Variants in ZSCAN5A observed in about 807,000 individuals in gnomAD.
ZSCAN5A encodes zinc finger and SCAN domain-containing protein 5A.
Under a neutral mutation model 23.7 loss-of-function variants are expected in ZSCAN5A, and 12 were observed. The ratio of observed to expected loss-of-function variants is 0.51; its 90% CI spans 0.32 to 0.82. ZSCAN5A has a LOEUF of 0.82. Among genes scored for constraint, ZSCAN5A ranks in the 40% least tolerant of loss-of-function variants. The probability of loss-of-function intolerance (pLI) is 0.03; values close to 1 mark genes in which losing one functional copy is unlikely to be tolerated. For synonymous variants in ZSCAN5A, 257 were observed against 239.9 expected (o/e 1.07, Z -0.66); for missense variants, 597 against 617.9 (o/e 0.97, Z 0.36).
chr19:56,254,481 C>A (rs547496269), intron 2 of ZSCAN5A, among the ~76,000 whole-genome samples: 1 of 152,188 alleles, frequency 6.6e-6, no homozygotes, highest in African/African-American at 2.4e-5. Context: ...TACAGATGGA[C>A]CATATTTTGT....
At chr19:56,235,110 C>T (rs74182592) in intron 2 of ZSCAN5A, among the ~76,000 whole-genome samples, 9,682 of 90,186 alleles carry the variant, frequency 0.11, 543 homozygotes, top group East Asian at 0.35. Flanking sequence ...GTGGGCCAAG[C>T]CTCCACTCCA....
chr19:56,245,846 T>C (rs2035844476), intron 2 of ZSCAN5A, among the ~76,000 whole-genome samples: 1 of 152,106 alleles, frequency 6.6e-6, no homozygotes, highest in Non-Finnish European at 1.5e-5. Flanking sequence ...TGGCCATGTC[T>C]GGAGATGTGT....
intron 2 of ZSCAN5A, chr19:56,322,358 C>T (rs2041385203): frequency 2.6e-6 from 2 of 767,766 alleles, no homozygotes; most frequent in African/African-American, 1.7e-5. Context: ...ATCTGGCTTC[C>T]CCTATTCCAC....
chr19:56,287,944 ACT>A (rs2039250191), intron 2 of ZSCAN5A, among the ~76,000 whole-genome samples: 1 of 151,996 alleles, frequency 6.6e-6, no homozygotes, highest in South Asian at 2.1e-4. Flanking sequence ...TAGCTCTGAA[ACT>A]CTCGCATCCT....
At chr19:56,302,624 TCCCTCCTCCTCCCTTCCTTTTCTTCCCC>T (rs1296256655) in intron 2 of ZSCAN5A, among the ~76,000 whole-genome samples, 13 of 109,090 alleles carry the variant, frequency 1.2e-4, no homozygotes, top group African/African-American at 4.7e-4. Flanking sequence ...TCTTCCTCCC[TCCCTCCTCCTCCCTTCCTTTTCTTCCCC>T]CCCTCCCTGT....
intron 2 of ZSCAN5A, among the ~76,000 whole-genome samples, chr19:56,259,498 T>C (rs1334198200): frequency 1.3e-5 from 2 of 152,260 alleles, no homozygotes; most frequent in Non-Finnish European, 2.9e-5. Flanking sequence ...TTACCCGTTC[T>C]GTCCTCTCTG....
chr19:56,255,731 A>G (rs994832398), intron 2 of ZSCAN5A, among the ~76,000 whole-genome samples: 5 of 151,922 alleles, frequency 3.3e-5, no homozygotes, highest in African/African-American at 1.2e-4. Context: ...GTCTATTCTC[A>G]GGGTCCCTAG....
intron 2 of ZSCAN5A, chr19:56,302,846 G>T (rs183048610): frequency 5.0e-6 from 2 of 398,544 alleles, no homozygotes; most frequent in Non-Finnish European, 8.8e-6. Context: ...TCTAAGGGAC[G>T]TTCATAAGGA....
intron 2 of ZSCAN5A, among the ~76,000 whole-genome samples, chr19:56,234,773 G>A (rs1184995043): frequency 6.6e-6 from 1 of 152,150 alleles, no homozygotes; most frequent in Non-Finnish European, 1.5e-5. Context: ...AATCCTTAGA[G>A]TTGTGAGCCC....
rs374360055 is a variant in ZSCAN5A, at chr19:56,222,345, C to T, written c.740-19G>A. 1.9e-6 allele frequency: 3 copies of T among 1,607,622 alleles called. No individual in the cohort carries two copies. The highest frequency in any genetic ancestry group is 1.7e-5 in the Admixed American group (1 of 59,626). ...AGATCTGCTGGAAGAAGGGATTCCA[C>T]ACACACAGTTAATAAAGCGCATTTT... is the stretch of plus-strand genomic sequence containing the variant. On this transcript the variant is annotated intron_variant, in intron 5 of 5. Coordinates refer to ENST00000683990, the MANE Select transcript of ZSCAN5A (RefSeq NM_001322064.3).
At chr19:56,320,146 C>A in intron 2 of ZSCAN5A, 1 of 739,888 alleles carries the variant, frequency 1.4e-6, no homozygotes, top group East Asian at 2.5e-5. Flanking sequence ...AAAGTTTAGT[C>A]TGTTTCATAA....
intron 2 of ZSCAN5A, among the ~76,000 whole-genome samples, chr19:56,299,012 C>T (rs2040059233): frequency 6.6e-6 from 1 of 152,032 alleles, no homozygotes; most frequent in South Asian, 2.1e-4. Flanking sequence ...TCCAGCAATG[C>T]GACAATGGTT....
chr19:56,229,302 C>T (rs933966839), intron 2 of ZSCAN5A, among the ~76,000 whole-genome samples: 1 of 152,164 alleles, frequency 6.6e-6, no homozygotes, highest in African/African-American at 2.4e-5. Context: ...AAATCTTAAG[C>T]CGCTTCACTC....
rs758276138 is a variant in ZSCAN5A at position 56,246,406 on chromosome 19, G to A, written c.-127-21233C>T. On this transcript the variant is annotated intron_variant, in intron 2 of 5. Coordinates refer to ENST00000683990, the MANE Select transcript of ZSCAN5A (RefSeq NM_001322064.3). ...GCCAACCTTGGAGAAGGATCTGAACGTAGACAGGGAAGAAAACACGGGACT... is the reference window on the plus strand; with the variant it reads ...GCCAACCTTGGAGAAGGATCTGAACATAGACAGGGAAGAAAACACGGGACT... 1.1e-4 allele frequency: 60 copies of A among 566,988 alleles called. 1 individual carries two copies. Among genetic ancestry groups the A allele is most frequent in the Non-Finnish European group, 1.7e-4 (53 of 311,464 alleles). 35.1% of individuals were successfully genotyped at this position (566,988 alleles called of 1,614,324 possible). A position where few individuals can be genotyped will look rare whatever the true frequency, so the allele number is the denominator to read the frequency against.
intron 2 of ZSCAN5A, among the ~76,000 whole-genome samples, chr19:56,346,722 T>A (rs1600297233): frequency 6.6e-6 from 1 of 152,008 alleles, no homozygotes; most frequent in African/African-American, 2.4e-5. Context: ...TTTTTATTTT[T>A]TTTTTAGACG....
At chr19:56,250,319 A>T (rs576061532) in intron 2 of ZSCAN5A, among the ~76,000 whole-genome samples, 1 of 152,154 alleles carries the variant, frequency 6.6e-6, no homozygotes, top group Non-Finnish European at 1.5e-5. Context: ...GGTTTAAAAA[A>T]TTTTTCCAGG....
chr19:56,282,605 CAGCTT>C (rs1426805394), intron 2 of ZSCAN5A: 1 of 636,822 alleles, frequency 1.6e-6, no homozygotes, highest in African/African-American at 2.0e-5. Flanking sequence ...GGTCTGTTCA[CAGCTT>C]AGCTTCTAAT....
At chr19:56,345,316 T>C (rs1327938159) in intron 2 of ZSCAN5A, among the ~76,000 whole-genome samples, 2 of 152,240 alleles carry the variant, frequency 1.3e-5, no homozygotes, top group African/African-American at 4.8e-5. Context: ...TATATTTTCA[T>C]TAGTGAAACA....
intron 2 of ZSCAN5A, among the ~76,000 whole-genome samples, chr19:56,331,575 ATTCT>A (rs2041489473): frequency 5.0e-5 from 3 of 60,248 alleles, no homozygotes; most frequent in South Asian, 1.0e-3. Flanking sequence ...ATGGAATTGC[ATTCT>A]TTTTTTTTTT....
Sources: allele counts gnomAD v4.1 joint callset (sites outside exome capture counted in the v4.1 genomes callset), GRCh38; gene constraint gnomAD v4.1.1; transcripts MANE v1.5; gene names NCBI Gene and HGNC (gene_info 2026-07-23, HGNC 2026-07-21).